The following IFNGR1 variants were observed in gnomAD, a reference collection of about 807,000 sequenced individuals.
The protein encoded by IFNGR1 is AVP, type 2.
A neutral mutation model predicts 35.4 loss-of-function variants in IFNGR1; 23 were observed. That is an observed-to-expected ratio of 0.65 (90% CI 0.47 to 0.92). The LOEUF is 0.92. Ranked by LOEUF, IFNGR1 falls within the 40% of genes least tolerant of loss-of-function variation. The pLI, the probability that IFNGR1 is intolerant of heterozygous loss-of-function variation, is 0.00. For missense variants in IFNGR1, 533 were observed against 583.4 expected (o/e 0.91, Z 0.89); for synonymous variants, 199 against 209.5 (o/e 0.95, Z 0.43).
At chr6:137,213,671 C>G (rs115236508) in intron 1 of IFNGR1, among the ~76,000 whole-genome samples, 4 of 152,154 alleles carry the variant, frequency 2.6e-5, no homozygotes, top group Admixed American at 2.6e-4. Flanking sequence ...AACAATGTCA[C>G]AAAGGACCAA....
intron 1 of IFNGR1, among the ~76,000 whole-genome samples, chr6:137,216,355 G>C (rs1041280070): frequency 6.6e-6 from 1 of 152,168 alleles, no homozygotes; most frequent in African/African-American, 2.4e-5. Context: ...GGCACACCCT[G>C]ATTCACTTAA....
At chr6:137,210,079 G>A (rs986062556) in intron 1 of IFNGR1, 4 of 378,762 alleles carry the variant, frequency 1.1e-5, no homozygotes, top group Admixed American at 4.5e-5. Flanking sequence ...GGCCAGGTGC[G>A]GTGGCCCACA....
rs1339965085 is a variant in IFNGR1, at chr6:137,198,430, A to T, written c.1071T>A (p.Thr357=). The T allele has an allele frequency of 6.2e-7, 1 of 1,614,054 alleles. No individual in the cohort carries two copies. The highest frequency in any genetic ancestry group is 1.3e-5 in the African/African-American group (1 of 74,916). ...EELSSITEVV[T]TEENIPDVVP... The stretch of plus-strand genomic sequence containing the variant: ...CCACGTCAGGAATATTTTCTTCAGT[A>T]GTCACCACTTCTGTTATACTAGAAA... The change falls in exon 7 of 7, where the codon ACT becomes ACA. Residue 357 remains threonine, a synonymous_variant. Transcript: ENST00000367739.
intron 6 of IFNGR1, among the ~76,000 whole-genome samples, chr6:137,199,926 C>T (rs1323669901): frequency 1.3e-5 from 2 of 151,756 alleles, no homozygotes; most frequent in Non-Finnish European, 2.9e-5. Context: ...AGTGGAGTGA[C>T]CATATCAAAG....
At chr6:137,219,021 G>A (rs1455761644) in intron 1 of IFNGR1, 3 of 597,606 alleles carry the variant, frequency 5.0e-6, no homozygotes, top group Non-Finnish European at 5.9e-6. Flanking sequence ...TTGTTGTGGC[G>A]GCAACCAGGG....
intron 6 of IFNGR1, 25 bp from the exon 7 acceptor site, chr6:137,198,664 G>C (rs764914639): frequency 2.5e-6 from 4 of 1,588,752 alleles, no homozygotes; most frequent in Non-Finnish European, 3.4e-6. Context: ...ATTGATTAAA[G>C]ATAAAAAATT....
chr6:137,202,295 A>G (rs908581797), intron 5 of IFNGR1, among the ~76,000 whole-genome samples: 1 of 152,236 alleles, frequency 6.6e-6, no homozygotes, highest in Non-Finnish European at 1.5e-5. Context: ...TGGCCATACT[A>G]TCAGTGCAGT....
At chr6:137,207,753 T>C (rs1779475647) in intron 1 of IFNGR1, among the ~76,000 whole-genome samples, 1 of 152,212 alleles carries the variant, frequency 6.6e-6, no homozygotes, top group Non-Finnish European at 1.5e-5. Context: ...TAAACATCTT[T>C]TTCTTCCCAG....
At chr6:137,215,025 C>G (rs866679713) in intron 1 of IFNGR1, among the ~76,000 whole-genome samples, 2 of 152,118 alleles carry the variant, frequency 1.3e-5, no homozygotes, top group Non-Finnish European at 1.5e-5. Context: ...TGAATAATCC[C>G]TAACATATTA....
rs1330892170 is a variant in IFNGR1 at position 137,215,207 on chromosome 6, C to T, written c.85+4036G>A. 5 of 1,526,632 alleles carry T rather than the reference C, an allele frequency of 3.3e-6. No homozygotes were observed. In the East Asian group the frequency reaches 1.2e-4, roughly 38 times the overall value. 94.6% of individuals were successfully genotyped at this position (1,526,632 alleles called of 1,614,324 possible). On this transcript the variant is annotated intron_variant, in intron 1 of 6. Coordinates refer to ENST00000367739, the MANE Select transcript of IFNGR1 (RefSeq NM_000416.3). ...CAATATGCAAAGTTTTGTTGGTTTT[C>T]ATTAAGAAAAATGCTTCCAACATCT...
intron 1 of IFNGR1, among the ~76,000 whole-genome samples, chr6:137,208,814 C>A (rs1464986841): frequency 6.6e-6 from 1 of 152,222 alleles, no homozygotes. Context: ...CCTACTGGGG[C>A]ACTGCCTGGT....
chr6:137,198,045 T>C lies in IFNGR1; in HGVS notation c.1456A>G (p.Lys486Glu), dbSNP rs766813898. ...LIGYRPTEDSKEFS is the reference protein window; with the variant it reads ...LIGYRPTEDSEEFS ...CTTAGCTGATCTCATGAAAATTCTT[T>C]GGAATCTTCTGTTGGTCTATAACCA... Residue 486 changes from lysine to glutamate, a missense_variant, in exon 7 of 7, where the codon AAA becomes GAA. Physicochemically the swap from Lys to Glu is moderately conservative, Grantham distance 56. Coordinates refer to ENST00000367739, the MANE Select transcript of IFNGR1 (RefSeq NM_000416.3). The C allele has an allele frequency of 6.2e-7, 1 of 1,614,134 alleles. No homozygotes were observed. The highest frequency in any genetic ancestry group is 1.7e-5 in the Admixed American group (1 of 60,014).
At chr6:137,207,560 G>C (rs1347901883) in intron 1 of IFNGR1, among the ~76,000 whole-genome samples, 2 of 152,084 alleles carry the variant, frequency 1.3e-5, no homozygotes, top group East Asian at 1.9e-4. Flanking sequence ...TGAATCATGG[G>C]GGCCAGTCTT....
chr6:137,215,225 C>G, intron 1 of IFNGR1: 1 of 1,534,912 alleles, frequency 6.5e-7, no homozygotes, highest in Admixed American at 2.1e-5. Flanking sequence ...AAAATGCTTC[C>G]AACATCTTTG....
intron 1 of IFNGR1, chr6:137,215,470 G>T: frequency 1.4e-6 from 1 of 720,200 alleles, no homozygotes; most frequent in Non-Finnish European, 2.1e-6. Flanking sequence ...CTATGCATTA[G>T]GATAATCTAA....
At chr6:137,213,383 A>C (rs757713141) in intron 1 of IFNGR1, among the ~76,000 whole-genome samples, 28 of 152,330 alleles carry the variant, frequency 1.8e-4, no homozygotes, top group Non-Finnish European at 3.8e-4. Flanking sequence ...TCTGCATACT[A>C]TCCGGAGTAA....
chr6:137,215,462 A>G (rs1779671333), intron 1 of IFNGR1: 1 of 755,260 alleles, frequency 1.3e-6, no homozygotes, highest in African/African-American at 1.8e-5. Context: ...TCTGATTACT[A>G]TGCATTAGGA....
chr6:137,217,684 A>C (rs1779738284), intron 1 of IFNGR1, among the ~76,000 whole-genome samples: 1 of 152,042 alleles, frequency 6.6e-6, no homozygotes. Flanking sequence ...TGGCATCTAT[A>C]ATTTTCTGTT....
intron 1 of IFNGR1, among the ~76,000 whole-genome samples, chr6:137,214,697 T>C (rs1779650546): frequency 6.6e-6 from 1 of 152,230 alleles, no homozygotes; most frequent in Non-Finnish European, 1.5e-5. Flanking sequence ...CTGGCATTAG[T>C]TCTGACTGGA....
Sources: allele counts gnomAD v4.1 joint callset (sites outside exome capture counted in the v4.1 genomes callset), GRCh38; gene constraint gnomAD v4.1.1; transcripts MANE v1.5; gene names NCBI Gene and HGNC (gene_info 2026-07-23, HGNC 2026-07-21).